Variants in FAM178B observed in about 807,000 individuals in gnomAD.
FAM178B encodes family with sequence similarity 178 member B.
FAM178B carries 82 observed loss-of-function variants against 91.7 expected under a neutral mutation model. The observed-to-expected ratio is 0.89, with a 90% CI of 0.75 to 1.07. The LOEUF is 1.07. Ranked by LOEUF, FAM178B falls within the 50% of genes least tolerant of loss-of-function variation. The pLI, the probability that FAM178B is intolerant of heterozygous loss-of-function variation, is 0.00. For missense variants in FAM178B, 769 were observed against 846.7 expected, an observed-to-expected ratio of 0.91 and a Z score of 1.14; for synonymous variants, 368 against 359.4, an observed-to-expected ratio of 1.02 and a Z score of -0.27.
At chr2:96,932,527 C>G (rs1337401538) in intron 8 of FAM178B, among the ~76,000 whole-genome samples, 1 of 152,228 alleles carries the variant, frequency 6.6e-6, no homozygotes, top group African/African-American at 2.4e-5. Context: ...AGAGCTGACA[C>G]AGAGGAAACT....
chr2:96,932,096 G>A (rs931870634), intron 8 of FAM178B, among the ~76,000 whole-genome samples: 1 of 152,170 alleles, frequency 6.6e-6, no homozygotes, highest in Non-Finnish European at 1.5e-5. Flanking sequence ...GCGAGGCCCC[G>A]GGAGGCCCAG....
Position 96,921,537 on chromosome 2 carries a change from C to T in FAM178B, c.1405G>A (p.Val469Ile), listed in dbSNP as rs1234905369. The T allele has an allele frequency of 6.4e-7, 1 of 1,551,588 alleles. No individual in the cohort carries two copies. ...LDVGLRLLPK[V>I]DLQQLLLLLL... The stretch of plus-strand genomic sequence containing the variant: ...AAGAGGAGAAGCTGCTGGAGGTCAA[C>T]TTTGGGCAGCAGGCGGAGCCCCACG... Residue 469 changes from valine (V) to isoleucine (I), a missense_variant, in exon 11 of 17, where the codon GTT becomes ATT. Coordinates refer to ENST00000490605, the MANE Select transcript of FAM178B (RefSeq NM_001122646.3).
Position 96,951,550 on chromosome 2 carries a change from C to T in FAM178B, c.888-66G>A, listed in dbSNP as rs980852161. ...CAGCACACTTGTCTCGGTGACACCG[C>T]GGGAGGCTGTCACTACCCAGCTTCA... On this transcript the variant is annotated intron_variant, in intron 6 of 16. Transcript: ENST00000490605. 61 of 1,231,100 alleles carry T rather than the reference C, an allele frequency of 5.0e-5. No individual in the cohort carries two copies. In the Middle Eastern group the frequency reaches 5.6e-4, roughly 11 times the overall value. 76.3% of individuals were successfully genotyped at this position (1,231,100 alleles called of 1,614,324 possible).
chr2:96,967,235 G>C (rs75016054), intron 5 of FAM178B, among the ~76,000 whole-genome samples: 3 of 8,536 alleles, frequency 3.5e-4, no homozygotes, highest in South Asian at 1.5e-3. Context: ...TTATTTTCCC[G>C]AGATCTGTTT....
chr2:96,974,673 A>G (rs912795890), intron 1 of FAM178B, among the ~76,000 whole-genome samples: 1 of 152,208 alleles, frequency 6.6e-6, no homozygotes, highest in Admixed American at 6.5e-5. Flanking sequence ...AAGATATTCC[A>G]TGCAAATAGT....
chr2:96,907,209 C>T (rs1373945038), intron 12 of FAM178B, among the ~76,000 whole-genome samples: 1 of 152,206 alleles, frequency 6.6e-6, no homozygotes, highest in African/African-American at 2.4e-5. Flanking sequence ...TTTTAAACCC[C>T]GTCCTGCATT....
intron 3 of FAM178B, among the ~76,000 whole-genome samples, chr2:96,971,648 G>A (rs1187575919): frequency 6.6e-6 from 1 of 152,120 alleles, no homozygotes; most frequent in African/African-American, 2.4e-5. Context: ...AAGTGGCATC[G>A]AATTTGTTGC....
chr2:96,895,172 G>A (rs189208296), intron 13 of FAM178B: 68 of 1,203,660 alleles, frequency 5.6e-5, no homozygotes, highest in Middle Eastern at 4.4e-4. Flanking sequence ...CAAATACATC[G>A]TATCGTTTTA....
At chr2:96,935,218 A>T (rs2081604966) in intron 8 of FAM178B, among the ~76,000 whole-genome samples, 1 of 152,258 alleles carries the variant, frequency 6.6e-6, no homozygotes, top group African/African-American at 2.4e-5. Flanking sequence ...CCCGGCCTTC[A>T]AAAAGAATTT....
At chr2:96,936,429 C>T (rs2081630512) in intron 8 of FAM178B, among the ~76,000 whole-genome samples, 1 of 151,568 alleles carries the variant, frequency 6.6e-6, no homozygotes, top group African/African-American at 2.4e-5. Flanking sequence ...TCTCGATCTC[C>T]CGACCTTGTG....
chr2:96,978,045 A>G (rs972296530), intron 1 of FAM178B: 1 of 390,782 alleles, frequency 2.6e-6, no homozygotes, highest in African/African-American at 2.1e-5. Context: ...CAACTTCTCA[A>G]CTATTCCTCT....
chr2:96,903,900 G>C (rs1247669117), intron 12 of FAM178B, among the ~76,000 whole-genome samples: 1 of 152,180 alleles, frequency 6.6e-6, no homozygotes, highest in Non-Finnish European at 1.5e-5. Context: ...AAAGAGTCAA[G>C]AAAGTCAGAG....
intron 13 of FAM178B, 21 bp downstream of exon 13, chr2:96,902,599 A>G (rs1476467809): frequency 1.3e-6 from 2 of 1,524,912 alleles, no homozygotes; most frequent in Admixed American, 3.9e-5. Context: ...CTTCCTGCCC[A>G]GGCCTGAAGC....
chr2:96,881,278 A>G (rs1231098826), intron 14 of FAM178B, among the ~76,000 whole-genome samples: 1 of 151,688 alleles, frequency 6.6e-6, no homozygotes, highest in East Asian at 1.9e-4. Flanking sequence ...CTCAAAAAAA[A>G]AAAAAAAAAA....
chr2:96,970,030 C>T (rs1382831135), intron 4 of FAM178B, among the ~76,000 whole-genome samples: 1 of 152,188 alleles, frequency 6.6e-6, no homozygotes, highest in Admixed American at 6.5e-5. Flanking sequence ...AACACAACAA[C>T]GGGAGAGGAC....
rs536613632 is a variant in FAM178B at position 96,935,880 on chromosome 2, C to T, written c.1079-6560G>A. On this transcript the variant is annotated intron_variant, in intron 8 of 16. Transcript: ENST00000490605. ...CGAACTCCTGACCTCAGGTGATCCA[C>T]GTGCCTCGGCTCCGCAAAGTGCTGA... Among the ~76,000 whole-genome samples the T allele has an allele frequency of 4.6e-5, 7 of 151,912 alleles. No individual in the cohort carries two copies. In the South Asian group the frequency reaches 6.2e-4, roughly 13 times the overall value.
At chr2:96,944,763 T>C (rs1301004282) in intron 8 of FAM178B, among the ~76,000 whole-genome samples, 1 of 152,224 alleles carries the variant, frequency 6.6e-6, no homozygotes, top group Non-Finnish European at 1.5e-5. Flanking sequence ...GGTTTGGGAA[T>C]ACCAGACCTG....
At chr2:96,892,200 C>CA (rs1200063849) in intron 14 of FAM178B, among the ~76,000 whole-genome samples, 2 of 152,202 alleles carry the variant, frequency 1.3e-5, no homozygotes, top group Admixed American at 6.5e-5. Context: ...GAACAGTGCC[C>CA]AGCCCAGGGG....
chr2:96,883,386 G>C (rs2080437322), intron 14 of FAM178B, among the ~76,000 whole-genome samples: 1 of 152,214 alleles, frequency 6.6e-6, no homozygotes, highest in Non-Finnish European at 1.5e-5. Flanking sequence ...AGGGGGGCAG[G>C]AAAGGAGGAC....
Sources: gnomAD v4.1 joint callset for allele counts (sites outside exome capture counted in the v4.1 genomes callset) on GRCh38, gnomAD v4.1.1 for gene constraint, MANE v1.5 for transcripts, NCBI Gene and HGNC (gene_info 2026-07-23, HGNC 2026-07-21) for gene names.